The following NBEA variants were observed in gnomAD, a reference collection of about 807,000 sequenced individuals.
NBEA encodes neurobeachin, also known as lysosomal-trafficking regulator 2.
In NBEA, 44 loss-of-function variants were observed where a neutral mutation model predicts 343.4. The ratio of observed to expected loss-of-function variants is 0.13; its 90% CI spans 0.10 to 0.16. The LOEUF is 0.16. Among genes scored for constraint, NBEA ranks in the 10% least tolerant of loss-of-function variants. The pLI is 1.00. For synonymous variants in NBEA, 1,175 were observed against 1,238.7 expected, an observed-to-expected ratio of 0.95 and a Z score of 1.08; for missense variants, 2,555 against 3,631.3, an observed-to-expected ratio of 0.70 and a Z score of 7.62.
intron 49 of NBEA, among the ~76,000 whole-genome samples, chr13:35,633,235 T>C (rs896228929): frequency 2.0e-5 from 3 of 151,418 alleles, no homozygotes; most frequent in African/African-American, 7.3e-5. Context: ...CCCAAGTAGC[T>C]GGGACTACAG....
At chr13:35,593,468 A>G (rs779765351) in intron 47 of NBEA, 21 bp downstream of exon 47, 32 of 1,577,008 alleles carry the variant, frequency 2.0e-5, no homozygotes, top group Non-Finnish European at 1.7e-6. Context: ...TTATTTGTTG[A>G]TATTCATTAA....
chr13:35,251,549 T>C, intron 34 of NBEA: 1 of 1,176,556 alleles, frequency 8.5e-7, no homozygotes, highest in Middle Eastern at 3.8e-4. Flanking sequence ...ATGTCCTTGA[T>C]GCATGTGACC....
At chr13:35,067,196 T>G (rs1566233392) in intron 8 of NBEA, among the ~76,000 whole-genome samples, 1 of 152,134 alleles carries the variant, frequency 6.6e-6, no homozygotes, top group Non-Finnish European at 1.5e-5. Flanking sequence ...AGTATATGTT[T>G]ATAGATTTTG....
At chr13:35,095,727 A>G (rs904734263) in intron 10 of NBEA, among the ~76,000 whole-genome samples, 5 of 151,978 alleles carry the variant, frequency 3.3e-5, no homozygotes, top group African/African-American at 9.7e-5. Flanking sequence ...AAGTTTAGCA[A>G]TTATATATCA....
intron 41 of NBEA, among the ~76,000 whole-genome samples, chr13:35,493,388 G>A (rs2076565225): frequency 6.6e-6 from 1 of 151,790 alleles, no homozygotes; most frequent in Admixed American, 6.6e-5. Flanking sequence ...CTGGAGCCAG[G>A]GAATTCATAG....
intron 39 of NBEA, among the ~76,000 whole-genome samples, chr13:35,433,185 G>T (rs187167753): frequency 2.4e-3 from 364 of 152,084 alleles, no homozygotes; most frequent in Non-Finnish European, 4.6e-3. Flanking sequence ...ACTTTAGATT[G>T]TTTTCTGCTA....
intron 39 of NBEA, among the ~76,000 whole-genome samples, chr13:35,445,818 GTATATA>G (rs1207256152): frequency 1.6e-4 from 11 of 68,674 alleles, no homozygotes; most frequent in African/African-American, 7.6e-4. Context: ...ATATATATAT[GTATATA>G]TATATATTAT....
intron 34 of NBEA, among the ~76,000 whole-genome samples, chr13:35,273,593 TC>T (rs1261374363): frequency 6.6e-6 from 1 of 151,740 alleles, no homozygotes; most frequent in Non-Finnish European, 1.5e-5. Flanking sequence ...TTTGAAAAGA[TC>T]AACAAAATAG....
chr13:35,581,453 A>G (rs930804614), intron 45 of NBEA, among the ~76,000 whole-genome samples: 4 of 151,662 alleles, frequency 2.6e-5, no homozygotes, highest in Non-Finnish European at 4.4e-5. Context: ...TCCTTCGCCC[A>G]CTTTTTGATG....
At chr13:35,037,058 C>T (rs2062469002) in intron 1 of NBEA, among the ~76,000 whole-genome samples, 1 of 152,076 alleles carries the variant, frequency 6.6e-6, no homozygotes, top group South Asian at 2.1e-4. Context: ...TGAGGCTATT[C>T]TCTAGATCAT....
chr13:35,372,976 G>T (rs968721908), intron 38 of NBEA, among the ~76,000 whole-genome samples: 17 of 152,164 alleles, frequency 1.1e-4, no homozygotes, highest in Non-Finnish European at 2.1e-4. Flanking sequence ...CTCTGGCAGT[G>T]TAATCACATT....
intron 38 of NBEA, among the ~76,000 whole-genome samples, chr13:35,414,983 G>C (rs2043817314): frequency 6.6e-6 from 1 of 152,280 alleles, no homozygotes; most frequent in African/African-American, 2.4e-5. Context: ...CTGATGGCCA[G>C]TGATGATGAG....
chr13:35,647,303 T>C (rs2084283189), intron 51 of NBEA, among the ~76,000 whole-genome samples: 1 of 152,184 alleles, frequency 6.6e-6, no homozygotes. Flanking sequence ...GTTCACAAGA[T>C]GAACTTCAAG....
chr13:35,650,800 C>T (rs1183429889), intron 52 of NBEA, among the ~76,000 whole-genome samples: 1 of 152,162 alleles, frequency 6.6e-6, no homozygotes, highest in Non-Finnish European at 1.5e-5. Context: ...CCCAGTTTAC[C>T]ACTTGGGATC....
chr13:35,176,793 A>G (rs1001236465), intron 27 of NBEA, among the ~76,000 whole-genome samples: 70 of 151,960 alleles, frequency 4.6e-4, no homozygotes, highest in African/African-American at 1.6e-3. Flanking sequence ...CTGTGCCAAT[A>G]AAGAACAAGA....
chr13:35,583,937 G>A lies in NBEA; in HGVS notation c.7075G>A (p.Ala2359Thr). 6.2e-7 allele frequency: 1 copy of A among 1,613,440 alleles called. No homozygotes were observed. The highest frequency in any genetic ancestry group is 8.5e-7 in the Non-Finnish European group (1 of 1,179,658). ...GAACCCCAAGAGAGCTGTGTTTTATGCAGAGCGTTATGAGACATGGGAAGA... is the reference window on the plus strand; with the variant it reads ...GAACCCCAAGAGAGCTGTGTTTTATACAGAGCGTTATGAGACATGGGAAGA... ...ALNPKRAVFY[A>T]ERYETWEDDQ... The change falls in exon 46 of 59, where the codon GCA becomes ACA. Residue 2359 changes from alanine to threonine, a missense_variant. Ala to Thr is a moderately conservative substitution (Grantham distance 58). Coordinates refer to ENST00000379939, the MANE Select transcript of NBEA (RefSeq NM_001385012.1).
chr13:35,316,952 G>T (rs576040904), intron 36 of NBEA, among the ~76,000 whole-genome samples: 115 of 152,066 alleles, frequency 7.6e-4, no homozygotes, highest in African/African-American at 2.4e-3. Flanking sequence ...TTTTTGATGG[G>T]TTTTTTTGTT....
chr13:35,265,403 A>C (rs2033588957), intron 34 of NBEA, among the ~76,000 whole-genome samples: 3 of 151,850 alleles, frequency 2.0e-5, no homozygotes, highest in Non-Finnish European at 4.4e-5. Flanking sequence ...GAAGACCCCA[A>C]ATAGCCAAAG....
chr13:35,296,715 T>A (rs1402902967), intron 35 of NBEA, among the ~76,000 whole-genome samples: 1 of 152,038 alleles, frequency 6.6e-6, no homozygotes, highest in Non-Finnish European at 1.5e-5. Context: ...TCAGACAAAT[T>A]ACAACAACTT....
Sources: allele counts gnomAD v4.1 joint callset (sites outside exome capture counted in the v4.1 genomes callset), GRCh38; gene constraint gnomAD v4.1.1; transcripts MANE v1.5; gene names NCBI Gene and HGNC (gene_info 2026-07-23, HGNC 2026-07-21).